Variants in SAMD5 observed in about 807,000 individuals in gnomAD.
The protein encoded by SAMD5 is sterile alpha motif domain containing 5.
Under a neutral mutation model 11.3 loss-of-function variants are expected in SAMD5, and 13 were observed. The observed-to-expected ratio is 1.15, with a 90% CI of 0.75 to 1.83. The LOEUF (loss-of-function observed/expected upper bound fraction) is 1.83, where lower values mean the gene tolerates loss of function less well. Among genes scored for constraint, SAMD5 ranks in the 40% most tolerant of loss-of-function variants. The probability of loss-of-function intolerance (pLI) is 0.00; values close to 1 mark genes in which losing one functional copy is unlikely to be tolerated. For missense variants in SAMD5, 255 were observed against 239.1 expected (o/e 1.07, Z -0.44); for synonymous variants, 129 against 111.3 (o/e 1.16, Z -1.00).
At chr6:147,815,797 G>T in the SAMD5 span, among the ~76,000 whole-genome samples, 1 of 151,998 alleles carries the variant, frequency 6.6e-6, no homozygotes, top group South Asian at 2.1e-4. Context: ...AGTCAGATGG[G>T]TCAGTGTCCT....
chr6:147,563,923 T>G (rs1174688323), intron 1 of SAMD5, among the ~76,000 whole-genome samples: 1 of 152,216 alleles, frequency 6.6e-6, no homozygotes, highest in Admixed American at 6.5e-5. Context: ...AAGATGCATT[T>G]CAAACTAGCA....
chr6:147,818,448 A>G, the SAMD5 span, among the ~76,000 whole-genome samples: 58 of 152,360 alleles, frequency 3.8e-4, no homozygotes, highest in African/African-American at 1.3e-3. Context: ...ATATGCAGTT[A>G]TTGTATGTAC....
chr6:147,541,292 A>G (rs1788600498), intron 1 of SAMD5, among the ~76,000 whole-genome samples: 1 of 152,140 alleles, frequency 6.6e-6, no homozygotes, highest in Non-Finnish European at 1.5e-5. Flanking sequence ...TTCCTGTTTT[A>G]TGGAACCATA....
the SAMD5 span, among the ~76,000 whole-genome samples, chr6:147,914,084 C>T: frequency 6.6e-6 from 1 of 152,044 alleles, no homozygotes; most frequent in Admixed American, 6.5e-5. Flanking sequence ...CCGCATACGG[C>T]CCAGGATGGC....
At chr6:147,603,442 T>C (rs56356253) in intron 1 of SAMD5, among the ~76,000 whole-genome samples, 11 of 152,126 alleles carry the variant, frequency 7.2e-5, no homozygotes, top group Non-Finnish European at 1.5e-4. Context: ...AGTCAGACAT[T>C]CCCCAAAGGC....
intron 1 of SAMD5, among the ~76,000 whole-genome samples, chr6:147,514,563 T>C (rs1788136220): frequency 6.6e-6 from 1 of 151,996 alleles, no homozygotes; most frequent in Admixed American, 6.6e-5. Flanking sequence ...TGCTGACGTT[T>C]TGTTGAATCT....
At chr6:147,789,888 T>C in the SAMD5 span, among the ~76,000 whole-genome samples, 1 of 152,228 alleles carries the variant, frequency 6.6e-6, no homozygotes, top group Non-Finnish European at 1.5e-5. Context: ...TACAGCAGGG[T>C]ACCACAACAC....
rs1789112006 is a variant in SAMD5, at chr6:147,569,990, G to A, written c.*5534G>A. ...CACTGTGATTTGCAAACATATGTCC[G>A]CTCTTCAATAAATGTTACGGCTTTC... On this transcript the variant is annotated 3_prime_UTR_variant, in exon 2 of 2. Transcript: ENST00000367474. The A allele has an allele frequency of 1.0e-6, 1 of 984,776 alleles. No homozygotes were observed. Among genetic ancestry groups the A allele is most frequent in the Non-Finnish European group, 1.2e-6 (1 of 829,374 alleles). The allele number at this position is 984,776 out of a possible 1,614,324, so 61.0% of individuals were successfully genotyped here.
At chr6:147,923,886 C>A in the SAMD5 span, among the ~76,000 whole-genome samples, 1 of 152,190 alleles carries the variant, frequency 6.6e-6, no homozygotes, top group African/African-American at 2.4e-5. Flanking sequence ...GGCCTAGACA[C>A]CCCATCTTGC....
Position 147,566,089 on chromosome 6 carries a change from T to A in SAMD5, c.*1633T>A. 4 of 982,900 alleles carry A rather than the reference T, an allele frequency of 4.1e-6. No homozygotes were observed. Among genetic ancestry groups the A allele is most frequent in the Non-Finnish European group, 4.8e-6 (4 of 827,660 alleles). The allele number at this position is 982,900 out of a possible 1,614,324, so 60.9% of individuals were successfully genotyped here. ...GATATTAGGTTTCTAAGGACAATTTTAACACAATACTGCTTTAAAAATCTG... is the reference window on the plus strand; with the variant it reads ...GATATTAGGTTTCTAAGGACAATTTAAACACAATACTGCTTTAAAAATCTG... On this transcript the variant is annotated 3_prime_UTR_variant, in exon 2 of 2. Transcript: ENST00000367474.
chr6:147,547,355 G>A (rs1353448155), intron 1 of SAMD5, among the ~76,000 whole-genome samples: 1 of 152,192 alleles, frequency 6.6e-6, no homozygotes, highest in African/African-American at 2.4e-5. Context: ...AGCCAGCCGG[G>A]GCTCCTATCT....
chr6:147,574,667 T>C (rs1435088298), downstream of SAMD5, among the ~76,000 whole-genome samples: 6 of 152,158 alleles, frequency 3.9e-5, no homozygotes, highest in African/African-American at 7.2e-5. Flanking sequence ...TGCCAGCAGG[T>C]TGGGTTGTCT....
the SAMD5 span, among the ~76,000 whole-genome samples, chr6:147,819,769 G>A: frequency 6.6e-6 from 1 of 152,222 alleles, no homozygotes; most frequent in Non-Finnish European, 1.5e-5. Flanking sequence ...GAGAGCCGAG[G>A]CAGGGATTGG....
the SAMD5 span, among the ~76,000 whole-genome samples, chr6:147,785,635 A>G: frequency 1.3e-5 from 2 of 152,212 alleles, no homozygotes; most frequent in Non-Finnish European, 2.9e-5. Flanking sequence ...CATATGCCTT[A>G]CAGTTATGTC....
At chr6:147,914,078 A>C in the SAMD5 span, among the ~76,000 whole-genome samples, 1 of 152,134 alleles carries the variant, frequency 6.6e-6, no homozygotes, top group Admixed American at 6.5e-5. Context: ...CACAGGCCGC[A>C]TACGGCCCAG....
the SAMD5 span, among the ~76,000 whole-genome samples, chr6:147,880,292 C>T: frequency 6.6e-6 from 1 of 152,092 alleles, no homozygotes; most frequent in African/African-American, 2.4e-5. Context: ...CTCTGTCTCT[C>T]TGTCTCATTG....
intron 1 of SAMD5, among the ~76,000 whole-genome samples, chr6:147,663,165 C>T (rs879877745): frequency 3.3e-5 from 5 of 152,252 alleles, no homozygotes; most frequent in Admixed American, 6.5e-5. Flanking sequence ...ATTTATGTTA[C>T]ACTGTTCATC....
At chr6:147,689,711 T>TA (rs1382825334) in intron 1 of SAMD5, among the ~76,000 whole-genome samples, 3 of 152,208 alleles carry the variant, frequency 2.0e-5, no homozygotes, top group Non-Finnish European at 4.4e-5. Flanking sequence ...TCACTTATTG[T>TA]AAAAAACAAT....
intron 1 of SAMD5, among the ~76,000 whole-genome samples, chr6:147,577,150 A>G (rs1468589992): frequency 6.6e-6 from 1 of 152,210 alleles, no homozygotes; most frequent in Non-Finnish European, 1.5e-5. Context: ...CTTCACAGTG[A>G]TGAAAGTCTT....
Sources: gnomAD v4.1 joint callset for allele counts (sites outside exome capture counted in the v4.1 genomes callset) on GRCh38, gnomAD v4.1.1 for gene constraint, MANE v1.5 for transcripts, NCBI Gene and HGNC (gene_info 2026-07-23, HGNC 2026-07-21) for gene names.